The following UBE2R2 variants were observed in gnomAD, a reference collection of about 807,000 sequenced individuals.
The protein encoded by UBE2R2 is ubiquitin conjugating enzyme E2 R2.
UBE2R2 carries 1 observed loss-of-function variant against 27.8 expected under a neutral mutation model. The observed-to-expected ratio is 0.04, with a 90% CI of 0.01 to 0.17. UBE2R2 has a LOEUF of 0.17. Ranked by LOEUF, UBE2R2 falls within the 10% of genes least tolerant of loss-of-function variation. UBE2R2 has a pLI of 1.00. For missense variants in UBE2R2, 100 were observed against 291.0 expected, an observed-to-expected ratio of 0.34 and a Z score of 4.78; for synonymous variants, 106 against 113.3, an observed-to-expected ratio of 0.94 and a Z score of 0.41.
chr9:33,889,288 G>C (rs1821928627), intron 2 of UBE2R2, among the ~76,000 whole-genome samples: 1 of 152,216 alleles, frequency 6.6e-6, no homozygotes, highest in Non-Finnish European at 1.5e-5. Context: ...AGCACATTTG[G>C]TCTGTTGAGG....
Position 33,917,728 on chromosome 9 carries a change from A to G in UBE2R2, c.*491A>G, listed in dbSNP as rs538594040. ...AAAAAAAAAAAAAAACAAATTTGCC[A>G]AGGTTTAGCTGCTCATTTACATTAG... On this transcript the variant is annotated 3_prime_UTR_variant, in exon 5 of 5. Transcript: ENST00000263228. The G allele has an allele frequency of 2.3e-5, 4 of 173,982 alleles. No homozygotes were observed. The East Asian group carries it at 4.7e-4, about 20-fold the overall frequency. 10.8% of individuals were successfully genotyped at this position (173,982 alleles called of 1,614,324 possible). A position where few individuals can be genotyped will look rare whatever the true frequency, so the allele number is the denominator to read the frequency against.
chr9:33,868,317 G>A (rs1563994293), intron 1 of UBE2R2, among the ~76,000 whole-genome samples: 1 of 152,154 alleles, frequency 6.6e-6, no homozygotes, highest in Non-Finnish European at 1.5e-5. Flanking sequence ...AATAGGGTCA[G>A]CTGTTTTCAC....
chr9:33,824,855 T>C (rs1439970674), intron 1 of UBE2R2, among the ~76,000 whole-genome samples: 4 of 151,520 alleles, frequency 2.6e-5, no homozygotes, highest in Non-Finnish European at 4.4e-5. Context: ...GTAATTGCCA[T>C]CAGCCAAGTG....
intron 1 of UBE2R2, among the ~76,000 whole-genome samples, chr9:33,839,596 T>A (rs1820688236): frequency 6.6e-6 from 1 of 152,128 alleles, no homozygotes. Context: ...TTTCACTACT[T>A]GAGAATGCAG....
At chr9:33,832,163 G>A (rs1385734709) in intron 1 of UBE2R2, among the ~76,000 whole-genome samples, 1 of 150,940 alleles carries the variant, frequency 6.6e-6, no homozygotes, top group Non-Finnish European at 1.5e-5. Context: ...ACAAAATTAG[G>A]CAGGCGTGGT....
At chr9:33,877,104 C>T (rs1373976865) in intron 1 of UBE2R2, among the ~76,000 whole-genome samples, 4 of 149,936 alleles carry the variant, frequency 2.7e-5, no homozygotes, top group East Asian at 1.9e-4. Context: ...GACAACAGAG[C>T]GAAACTCCAT....
intron 1 of UBE2R2, among the ~76,000 whole-genome samples, chr9:33,839,481 AC>A (rs139506542): frequency 0.06 from 9,188 of 152,010 alleles, 626 homozygotes; most frequent in African/African-American, 0.17. Context: ...CAGGTGATCC[AC>A]CCGCCTCAGC....
At chr9:33,861,998 C>T (rs1040019017) in intron 1 of UBE2R2, among the ~76,000 whole-genome samples, 2 of 151,696 alleles carry the variant, frequency 1.3e-5, no homozygotes, top group Admixed American at 6.6e-5. Flanking sequence ...GGATTATAGG[C>T]GCCTGCCACC....
In UBE2R2 at chr9:33,912,075, C is replaced by CA. The variant is rs1394382820; in HGVS notation, c.477dup (p.Glu160ArgfsTer4). On this transcript the variant is annotated frameshift_variant, in exon 4 of 5. Transcript: ENST00000263228. LOFTEE classifies it high-confidence loss of function. ...AATGGAGAGACAGTAAAGGAAAAGA[C>CA]AAAGAATATGCTGAAATTATTAGGT... The CA allele has an allele frequency of 6.2e-7, 1 of 1,608,952 alleles. No individual in the cohort carries two copies. The highest frequency in any genetic ancestry group is 8.5e-7 in the Non-Finnish European group (1 of 1,177,590).
chr9:33,831,054 C>A (rs1820463394), intron 1 of UBE2R2: 1 of 146,134 alleles, frequency 6.8e-6, no homozygotes, highest in Non-Finnish European at 1.5e-5. Context: ...TTCTTCATTC[C>A]CTCTGTTTCA....
intron 1 of UBE2R2, among the ~76,000 whole-genome samples, chr9:33,879,463 C>CT (rs928726907): frequency 1.3e-5 from 2 of 152,022 alleles, no homozygotes; most frequent in Admixed American, 1.3e-4. Context: ...CTTAACAAGA[C>CT]TTTTTTCTGA....
intron 1 of UBE2R2, among the ~76,000 whole-genome samples, chr9:33,855,329 C>T (rs1217692666): frequency 6.6e-6 from 1 of 151,926 alleles, no homozygotes; most frequent in East Asian, 1.9e-4. Context: ...AACAGATGGA[C>T]CAAGAACTTA....
intron 2 of UBE2R2, among the ~76,000 whole-genome samples, chr9:33,887,945 G>T (rs564747218): frequency 6.6e-6 from 1 of 152,332 alleles, no homozygotes; most frequent in Non-Finnish European, 1.5e-5. Context: ...AAAGTGCCGG[G>T]ATTACAGGCG....
chr9:33,855,132 G>A (rs572158163), intron 1 of UBE2R2, among the ~76,000 whole-genome samples: 1 of 152,242 alleles, frequency 6.6e-6, no homozygotes, highest in South Asian at 2.1e-4. Flanking sequence ...ATGCAGGCTT[G>A]TTTGTTATGG....
At chr9:33,848,214 A>AT (rs954041936) in intron 1 of UBE2R2, among the ~76,000 whole-genome samples, 1 of 151,860 alleles carries the variant, frequency 6.6e-6, no homozygotes, top group Admixed American at 6.6e-5. Context: ...ATTTTGTGCA[A>AT]TTTTTTCTTC....
chr9:33,875,374 G>A (rs1281565819), intron 1 of UBE2R2, among the ~76,000 whole-genome samples: 1 of 152,050 alleles, frequency 6.6e-6, no homozygotes, highest in Non-Finnish European at 1.5e-5. Flanking sequence ...TTTACTTCTT[G>A]TGGAAAATAC....
At chr9:33,829,524 G>A (rs1400115363) in intron 1 of UBE2R2, among the ~76,000 whole-genome samples, 2 of 152,098 alleles carry the variant, frequency 1.3e-5, no homozygotes, top group African/African-American at 2.4e-5. Context: ...ATGGGTACCC[G>A]CAAAATCTGT....
At chr9:33,886,584 G>A (rs1821862458) in intron 1 of UBE2R2, among the ~76,000 whole-genome samples, 1 of 151,478 alleles carries the variant, frequency 6.6e-6, no homozygotes, top group South Asian at 2.1e-4. Flanking sequence ...GGACCTGGGA[G>A]GTGGAGGTTG....
In UBE2R2 at chr9:33,909,491, A is replaced by G. The variant is rs1247480334; in HGVS notation, c.363-2473A>G. ...CGACGAGTGAAACCCCATCTCAACAATCAATAAATAAAAATTTAAAAGCAC... is the reference window on the plus strand; with the variant it reads ...CGACGAGTGAAACCCCATCTCAACAGTCAATAAATAAAAATTTAAAAGCAC... On this transcript the variant is annotated intron_variant, in intron 3 of 4. Coordinates refer to ENST00000263228, the MANE Select transcript of UBE2R2 (RefSeq NM_017811.4). 2.6e-5 allele frequency among the ~76,000 whole-genome samples: 4 copies of G among 152,200 alleles called. 1 individual carries two copies. The highest frequency in any genetic ancestry group is 9.7e-5 in the African/African-American group (4 of 41,444).
Sources: gnomAD v4.1 joint callset for allele counts (sites outside exome capture counted in the v4.1 genomes callset) on GRCh38, gnomAD v4.1.1 for gene constraint, MANE v1.5 for transcripts, NCBI Gene and HGNC (gene_info 2026-07-23, HGNC 2026-07-21) for gene names.